The following CPED1 variants were observed in gnomAD, a reference collection of about 807,000 sequenced individuals.
CPED1 encodes the protein cadherin-like and PC-esterase domain-containing protein 1.
A neutral mutation model predicts 128.2 loss-of-function variants in CPED1; 114 were observed. The observed-to-expected ratio is 0.89, with a 90% confidence interval of 0.76 to 1.04. CPED1 has a LOEUF of 1.04. Among genes scored for constraint, CPED1 ranks in the 50% least tolerant of loss-of-function variants. The pLI, the probability that CPED1 is intolerant of heterozygous loss-of-function variation, is 0.00. For synonymous variants in CPED1, 462 were observed against 426.7 expected, an observed-to-expected ratio of 1.08 and a Z score of -1.02; for missense variants, 1,211 against 1,207.1, an observed-to-expected ratio of 1.00 and a Z score of -0.05.
At chr7:121,088,106 CATTCACCT>C (rs1794479548) in intron 5 of CPED1, among the ~76,000 whole-genome samples, 1 of 152,154 alleles carries the variant, frequency 6.6e-6, no homozygotes, top group Non-Finnish European at 1.5e-5. Context: ...TCTTATCCAT[CATTCACCT>C]ATTCTTAGGC....
intron 2 of CPED1, among the ~76,000 whole-genome samples, chr7:120,993,210 T>C (rs1796337448): frequency 6.6e-6 from 1 of 152,222 alleles, no homozygotes. Flanking sequence ...ATCTATTTTA[T>C]AGCATCTAAC....
intron 18 of CPED1, among the ~76,000 whole-genome samples, chr7:121,248,127 T>C (rs542877377): frequency 6.6e-6 from 1 of 152,230 alleles, no homozygotes; most frequent in Non-Finnish European, 1.5e-5. Context: ...AAGGCTGCAG[T>C]GTGCAGCTCA....
At chr7:121,242,201 A>G (rs1408976550) in intron 17 of CPED1, among the ~76,000 whole-genome samples, 1 of 152,206 alleles carries the variant, frequency 6.6e-6, no homozygotes, top group Non-Finnish European at 1.5e-5. Flanking sequence ...TTACGTATAA[A>G]TTATAATCTT....
rs1052473718 is a variant in CPED1 at position 121,139,882 on chromosome 7, C to T, written c.1700-945C>T. On this transcript the variant is annotated intron_variant, in intron 14 of 22. Coordinates refer to ENST00000310396, the MANE Select transcript of CPED1 (RefSeq NM_024913.5). ...TCACTGAACATTTTATGTAAGGCAA[C>T]ACCAAGATACTTCAATTTTACTGAT... Among the ~76,000 whole-genome samples the T allele has an allele frequency of 3.9e-5, 6 of 151,948 alleles. No homozygotes were observed. The South Asian group carries it at 1.2e-3, about 31-fold the overall frequency.
At chr7:121,237,821 G>T (rs1036709179) in intron 17 of CPED1, among the ~76,000 whole-genome samples, 1 of 152,114 alleles carries the variant, frequency 6.6e-6, no homozygotes, top group Non-Finnish European at 1.5e-5. Context: ...AATTTGGCAC[G>T]CACAGTTAAC....
intron 22 of CPED1, among the ~76,000 whole-genome samples, chr7:121,273,143 A>G (rs537165741): frequency 6.6e-6 from 1 of 152,000 alleles, no homozygotes; most frequent in East Asian, 1.9e-4. Flanking sequence ...GTAAACCAGG[A>G]TGCATTTATT....
At chr7:121,198,770 G>A (rs976525901) in intron 16 of CPED1, among the ~76,000 whole-genome samples, 3 of 152,160 alleles carry the variant, frequency 2.0e-5, no homozygotes, top group African/African-American at 7.2e-5. Context: ...AATATGGCAT[G>A]ACTTATCAAA....
At chr7:121,090,515 C>G (rs1168124060) in intron 5 of CPED1, among the ~76,000 whole-genome samples, 2 of 152,150 alleles carry the variant, frequency 1.3e-5, no homozygotes, top group Non-Finnish European at 2.9e-5. Flanking sequence ...AATGTCAGAT[C>G]TTGATAAGTG....
chr7:121,030,413 G>A (rs1792700147), intron 3 of CPED1, among the ~76,000 whole-genome samples: 1 of 152,184 alleles, frequency 6.6e-6, no homozygotes, highest in African/African-American at 2.4e-5. Flanking sequence ...TAAATAATTT[G>A]TAAGCTTTAA....
chr7:121,033,753 C>A (rs998660335), intron 3 of CPED1, among the ~76,000 whole-genome samples: 2 of 152,110 alleles, frequency 1.3e-5, no homozygotes, highest in South Asian at 2.1e-4. Context: ...ATGTGTAATC[C>A]TAAAATACTG....
At chr7:121,020,944 T>G (rs1211966925) in intron 3 of CPED1, among the ~76,000 whole-genome samples, 2 of 151,978 alleles carry the variant, frequency 1.3e-5, no homozygotes, top group East Asian at 3.8e-4. Flanking sequence ...GTAGATGTCA[T>G]ATCTTGGTTC....
chr7:121,150,731 A>G (rs1380757468), intron 16 of CPED1, among the ~76,000 whole-genome samples: 1 of 148,500 alleles, frequency 6.7e-6, no homozygotes, highest in Non-Finnish European at 1.5e-5. Context: ...TCCTTTTCCC[A>G]CAGCCAAACC....
chr7:121,082,817 A>T (rs939357808), intron 5 of CPED1, among the ~76,000 whole-genome samples: 1 of 152,258 alleles, frequency 6.6e-6, no homozygotes, highest in African/African-American at 2.4e-5. Flanking sequence ...TGTCTTATAA[A>T]TAAGAAAATA....
At chr7:121,211,893 A>G (rs1009635977) in intron 16 of CPED1, among the ~76,000 whole-genome samples, 1 of 152,076 alleles carries the variant, frequency 6.6e-6, no homozygotes, top group African/African-American at 2.4e-5. Context: ...TTCAGGAAAT[A>G]ATGAGCTAAA....
At chr7:121,142,184 A>T in intron 16 of CPED1, 43 bp downstream of exon 16, 2 of 1,512,394 alleles carry the variant, frequency 1.3e-6, no homozygotes, top group Non-Finnish European at 1.8e-6. Flanking sequence ...ATTGGGAATG[A>T]TCTGTTAACC....
intron 16 of CPED1, among the ~76,000 whole-genome samples, chr7:121,197,222 C>T (rs1248561257): frequency 2.0e-5 from 3 of 150,380 alleles, no homozygotes; most frequent in Non-Finnish European, 4.4e-5. Context: ...AGTGCATTGA[C>T]TCTCATTTTA....
chr7:121,228,805 A>G (rs1275772918), intron 16 of CPED1, among the ~76,000 whole-genome samples: 1 of 152,046 alleles, frequency 6.6e-6, no homozygotes, highest in Admixed American at 6.6e-5. Context: ...TTGGCCATAA[A>G]AAATGAAATT....
intron 16 of CPED1, among the ~76,000 whole-genome samples, chr7:121,172,777 C>A (rs994523411): frequency 6.6e-6 from 1 of 151,998 alleles, no homozygotes; most frequent in Non-Finnish European, 1.5e-5. Context: ...AGTCAGTTCC[C>A]AACTGGGATA....
chr7:121,198,673 T>C (rs1263006413), intron 16 of CPED1, among the ~76,000 whole-genome samples: 1 of 152,150 alleles, frequency 6.6e-6, no homozygotes, highest in Non-Finnish European at 1.5e-5. Context: ...CTGCAGCTCA[T>C]GTGAAATGCA....
Sources: gnomAD v4.1 joint callset for allele counts (sites outside exome capture counted in the v4.1 genomes callset) on GRCh38, gnomAD v4.1.1 for gene constraint, MANE v1.5 for transcripts, NCBI Gene and HGNC (gene_info 2026-07-23, HGNC 2026-07-21) for gene names.